TMEM245: variants seen among roughly 807,000 people sequenced by gnomAD.
TMEM245 encodes the protein protein CG-2.
In TMEM245, 69 loss-of-function variants were observed where a neutral mutation model predicts 101.2. The observed-to-expected ratio is 0.68, with a 90% CI of 0.56 to 0.83. The LOEUF (loss-of-function observed/expected upper bound fraction) is 0.83. Among genes scored for constraint, TMEM245 ranks in the 40% least tolerant of loss-of-function variants. TMEM245 has a pLI of 0.00. For missense variants in TMEM245, 1,075 were observed against 1,092.8 expected, an observed-to-expected ratio of 0.98 and a Z score of 0.23; for synonymous variants, 537 against 449.8, an observed-to-expected ratio of 1.19 and a Z score of -2.45.
rs1829390667 is a variant in TMEM245 at position 109,073,345 on chromosome 9, A to G, written c.1532+11T>C. ...ATTCATCTCTCTTCTTTTTCAAAAC[A>G]ATATTCTTACTTTGCCCACTCAGGG... On this transcript the variant is annotated intron_variant, in intron 9 of 17. Transcript: ENST00000374586. 6.2e-7 allele frequency: 1 copy of G among 1,604,350 alleles called. No homozygotes were observed. The highest frequency in any genetic ancestry group is 8.5e-7 in the Non-Finnish European group (1 of 1,172,038).
chr9:109,106,372 A>G, intron 3 of TMEM245, 136 bp downstream of exon 3: 1 of 491,556 alleles, frequency 2.0e-6, no homozygotes, highest in Non-Finnish European at 3.5e-6. Context: ...AAAATATTTT[A>G]AACAATTTAT....
In TMEM245 at chr9:109,119,910, C is replaced by A. The variant is rs761365068; in HGVS notation, c.4G>T (p.Ala2Ser). 8 of 1,276,758 alleles carry A rather than the reference C, an allele frequency of 6.3e-6. No homozygotes were observed. Among genetic ancestry groups the A allele is most frequent in the Admixed American group, 3.8e-5 (1 of 26,012 alleles). 79.1% of individuals were successfully genotyped at this position (1,276,758 alleles called of 1,614,324 possible). The change falls in exon 1 of 18, where the codon GCC becomes TCC. Residue 2 changes from alanine (A) to serine (S), a missense_variant. Ala to Ser is a moderately conservative substitution (Grantham distance 99). Around this residue, in one of 2 missense-constraint regions of TMEM245, gnomAD observed 808 missense variants for 741.5 expected, o/e 1.09. Transcript: ENST00000374586. M[A>S]DGGGPKDAPS... Reference sequence around the variant, plus strand: ...GCGTCCTTAGGGCCGCCGCCGTCGGCCATCGTTCCTCCGCCACAGCCGCCC... The same window carrying A: ...GCGTCCTTAGGGCCGCCGCCGTCGGACATCGTTCCTCCGCCACAGCCGCCC...
rs201819788 is a variant in TMEM245, at chr9:109,119,626, G to A, written c.288C>T (p.Pro96=). The A allele has an allele frequency of 4.9e-5, 76 of 1,562,882 alleles. No homozygotes were observed. The East Asian group carries it at 1.0e-3, about 21-fold the overall frequency. ...CCAGGCGCGTCAGCGAGCTCTTGAA[G>A]GGGTGCAGAAAAGTGCCGCATAGCA... The part of the protein sequence containing the change: ...WAVLCGTFLH[P]FKSSLTRLGR... The change falls in exon 1 of 18, where the codon CCC becomes CCT. Residue 96 remains proline (P), a synonymous_variant. Coordinates refer to ENST00000374586, the MANE Select transcript of TMEM245 (RefSeq NM_032012.4).
At chr9:109,048,893 A>G (rs1352409514) in intron 14 of TMEM245, among the ~76,000 whole-genome samples, 1 of 152,246 alleles carries the variant, frequency 6.6e-6, no homozygotes, top group Non-Finnish European at 1.5e-5. Context: ...TACAGAGCCT[A>G]TAACTTAAGA....
At chr9:109,106,141 CCT>C (rs1036194100) in intron 3 of TMEM245, among the ~76,000 whole-genome samples, 3 of 150,998 alleles carry the variant, frequency 2.0e-5, no homozygotes, top group Admixed American at 2.0e-4. Context: ...TTGGAAAACC[CCT>C]GAGCCCAGGA....
chr9:109,108,648 T>C, intron 1 of TMEM245, 78 bp from the exon 2 acceptor site: 1 of 1,056,796 alleles, frequency 9.5e-7, no homozygotes, highest in South Asian at 1.5e-5. Flanking sequence ...TCTGTAAGTG[T>C]CTATACAGCA....
chr9:109,101,058 G>C (rs1830270378), intron 3 of TMEM245, among the ~76,000 whole-genome samples: 1 of 152,068 alleles, frequency 6.6e-6, no homozygotes, highest in African/African-American at 2.4e-5. Context: ...GCTGCAGTGA[G>C]CTATGGTCAC....
chr9:109,115,523 T>TTTA (rs1830699639), intron 1 of TMEM245, among the ~76,000 whole-genome samples: 3 of 34,648 alleles, frequency 8.7e-5, no homozygotes, highest in African/African-American at 3.6e-4. Context: ...AACTGGAATC[T>TTTA]TTTTTTTTTT....
chr9:109,045,443 T>C (rs1168695392), intron 14 of TMEM245, among the ~76,000 whole-genome samples: 2 of 152,180 alleles, frequency 1.3e-5, no homozygotes, highest in African/African-American at 4.8e-5. Context: ...AAACATACAA[T>C]GACAGCATCA....
chr9:109,113,656 T>A (rs1830631853), intron 1 of TMEM245, among the ~76,000 whole-genome samples: 5 of 152,250 alleles, frequency 3.3e-5, no homozygotes. Flanking sequence ...ATATTAAATG[T>A]AGAAAACATT....
chr9:109,045,423 TG>T (rs1828458989), intron 14 of TMEM245, among the ~76,000 whole-genome samples: 1 of 152,124 alleles, frequency 6.6e-6, no homozygotes, highest in Non-Finnish European at 1.5e-5. Flanking sequence ...AAAACAGTGG[TG>T]AAACACAGAA....
intron 7 of TMEM245, 50 bp downstream of exon 7, chr9:109,085,947 G>T: frequency 6.3e-7 from 1 of 1,589,828 alleles, no homozygotes; most frequent in African/African-American, 1.3e-5. Flanking sequence ...GGCGATACAG[G>T]GGCATTACGG....
chr9:109,041,029 G>GAAA (rs749766959), intron 14 of TMEM245, among the ~76,000 whole-genome samples: 1 of 152,026 alleles, frequency 6.6e-6, no homozygotes, highest in East Asian at 1.9e-4. Flanking sequence ...TCTCAATTCC[G>GAAA]AAAAAACTAA....
rs201566707 is a variant in TMEM245 at position 109,057,284 on chromosome 9, C to A, written c.1761G>T (p.Leu587Phe). The A allele has an allele frequency of 2.7e-4, 440 of 1,613,988 alleles. 2 individuals are homozygous for A. The Middle Eastern group carries it at 3.3e-3, about 12-fold the overall frequency. The change falls in exon 12 of 18, where the codon TTG becomes TTT. Residue 587 changes from leucine to phenylalanine, a missense_variant. Physicochemically the swap from Leu to Phe is conservative, Grantham distance 22. Transcript: ENST00000374586. ...GCCAGCTATTCTGACGACTGACATG[C>A]AACTTCTGTCCTTTGTGCCTTCCAG... Reference protein sequence around the residue: ...THSGRHKGQKLHVSRQNSWLG... With the variant: ...THSGRHKGQKFHVSRQNSWLG...
intron 12 of TMEM245, among the ~76,000 whole-genome samples, chr9:109,055,668 CTT>C (rs762110863): frequency 1.5e-4 from 22 of 144,036 alleles, no homozygotes; most frequent in Admixed American, 6.2e-4. Flanking sequence ...GAGTTTCGCT[CTT>C]GTTACCCAGG....
intron 1 of TMEM245, among the ~76,000 whole-genome samples, chr9:109,113,910 T>C (rs528522873): frequency 6.6e-6 from 1 of 152,208 alleles, no homozygotes; most frequent in African/African-American, 2.4e-5. Flanking sequence ...GCCAACATGG[T>C]GGAACCCCGT....
intron 4 of TMEM245, 98 bp downstream of exon 4, chr9:109,093,377 A>T (rs1197960324): frequency 4.3e-6 from 4 of 927,846 alleles, no homozygotes; most frequent in African/African-American, 3.3e-5. Context: ...GATCAGCAGG[A>T]GTAAGTAGCA....
At chr9:109,116,058 A>G (rs189818215) in intron 1 of TMEM245, among the ~76,000 whole-genome samples, 145 of 152,300 alleles carry the variant, frequency 9.5e-4, no homozygotes, top group Middle Eastern at 3.4e-3. Context: ...CACCCATGTA[A>G]AAGAACCTAA....
intron 17 of TMEM245, among the ~76,000 whole-genome samples, chr9:109,028,266 A>G (rs912680549): frequency 5.3e-5 from 8 of 151,864 alleles, no homozygotes; most frequent in Admixed American, 4.6e-4. Flanking sequence ...CCTGGCCAAC[A>G]TGGTGAAATC....
Sources: allele counts gnomAD v4.1 joint callset (sites outside exome capture counted in the v4.1 genomes callset), GRCh38; gene constraint gnomAD v4.1.1; regional missense constraint gnomAD v4.1.1; transcripts MANE v1.5; gene names NCBI Gene and HGNC (gene_info 2026-07-23, HGNC 2026-07-21).